The following ASIC2 variants were observed in gnomAD, a reference collection of about 807,000 sequenced individuals.
ASIC2 encodes acid-sensing ion channel 2.
ASIC2 carries 25 observed loss-of-function variants against 57.3 expected under a neutral mutation model. The observed-to-expected ratio is 0.44, with a 90% CI of 0.32 to 0.61. ASIC2 has a LOEUF of 0.61. Ranked by LOEUF, ASIC2 falls within the 20% of genes least tolerant of loss-of-function variation. The pLI, the probability that ASIC2 is intolerant of heterozygous loss-of-function variation, is 0.06. For missense variants in ASIC2, 641 were observed against 738.1 expected, an observed-to-expected ratio of 0.87 and a Z score of 1.52; for synonymous variants, 319 against 307.5, an observed-to-expected ratio of 1.04 and a Z score of -0.39.
At position 33,192,420 on chromosome 17, in the gene ASIC2, A is replaced by G. The variant is rs1039887393; in HGVS notation, c.709-80353T>C. ...AAAACAAAACAAAACAAAACAAAAC[A>G]AAACAAAACAAAACAAAACAAAACA... On this transcript the variant is annotated intron_variant, in intron 1 of 9. Transcript: ENST00000225823. Among the ~76,000 whole-genome samples, 15 of 151,334 alleles carry G rather than the reference A, an allele frequency of 9.9e-5. No individual in the cohort carries two copies. The East Asian group carries it at 2.1e-3, about 22-fold the overall frequency.
intron 1 of ASIC2, among the ~76,000 whole-genome samples, chr17:33,409,161 G>A (rs1287668529): frequency 1.3e-5 from 2 of 152,178 alleles, no homozygotes; most frequent in Non-Finnish European, 2.9e-5. Context: ...GTTGTAGTGA[G>A]CCGAAATCAT....
At chr17:33,884,963 C>T (rs1914794853) in intron 1 of ASIC2, among the ~76,000 whole-genome samples, 1 of 152,212 alleles carries the variant, frequency 6.6e-6, no homozygotes, top group Non-Finnish European at 1.5e-5. Flanking sequence ...GCAGTGAGAA[C>T]ATCCTCAAAG....
chr17:33,913,985 G>T (rs946785143), intron 1 of ASIC2, among the ~76,000 whole-genome samples: 1 of 152,178 alleles, frequency 6.6e-6, no homozygotes, highest in Non-Finnish European at 1.5e-5. Flanking sequence ...CCAGAAAATA[G>T]AGCTCAGAGC....
chr17:33,145,950 A>G (rs1223367508), intron 1 of ASIC2, among the ~76,000 whole-genome samples: 1 of 152,230 alleles, frequency 6.6e-6, no homozygotes, highest in Non-Finnish European at 1.5e-5. Flanking sequence ...GCCGACCCAG[A>G]GACATGGCCA....
intron 1 of ASIC2, among the ~76,000 whole-genome samples, chr17:34,011,951 A>G (rs907706632): frequency 3.3e-5 from 5 of 152,190 alleles, no homozygotes; most frequent in South Asian, 2.1e-4. Flanking sequence ...GGTCAATAGC[A>G]GTCAGTTGGG....
At chr17:33,857,600 G>A (rs550963561) in intron 1 of ASIC2, among the ~76,000 whole-genome samples, 5 of 152,274 alleles carry the variant, frequency 3.3e-5, no homozygotes, top group East Asian at 1.9e-4. Flanking sequence ...CATTAAATCC[G>A]AACTCTTATT....
chr17:34,129,287 G>C (rs971277873), intron 1 of ASIC2, among the ~76,000 whole-genome samples: 2 of 152,154 alleles, frequency 1.3e-5, no homozygotes, highest in Non-Finnish European at 2.9e-5. Flanking sequence ...TTATATGGTG[G>C]AACCAGCATC....
At chr17:33,595,330 A>G (rs1904948703) in intron 1 of ASIC2, among the ~76,000 whole-genome samples, 1 of 152,234 alleles carries the variant, frequency 6.6e-6, no homozygotes. Flanking sequence ...GAGGGTTATT[A>G]GGTCTGGAGT....
chr17:33,384,264 C>T (rs963121875), intron 1 of ASIC2, among the ~76,000 whole-genome samples: 1 of 152,164 alleles, frequency 6.6e-6, no homozygotes, highest in Non-Finnish European at 1.5e-5. Context: ...GATTTTGTCA[C>T]ATTGAAGGGT....
chr17:33,735,856 C>G (rs1009109703), intron 1 of ASIC2, among the ~76,000 whole-genome samples: 1 of 152,148 alleles, frequency 6.6e-6, no homozygotes. Flanking sequence ...CCTTATTTTT[C>G]TTCCACTGGA....
chr17:33,687,756 G>C (rs1441898874), intron 1 of ASIC2, among the ~76,000 whole-genome samples: 6 of 152,196 alleles, frequency 3.9e-5, no homozygotes, highest in African/African-American at 7.2e-5. Context: ...GTCCTGTGCT[G>C]AGGGATGGTC....
At chr17:33,147,727 T>C (rs572341228) in intron 1 of ASIC2, among the ~76,000 whole-genome samples, 1 of 152,194 alleles carries the variant, frequency 6.6e-6, no homozygotes, top group African/African-American at 2.4e-5. Flanking sequence ...CAGTGCCAAC[T>C]TAGACTCAGC....
chr17:33,765,398 G>A lies in ASIC2; in HGVS notation c.555+390580C>T, dbSNP rs367905451. ...GCTGGGATTACAGGCGTGAGCCACC[G>A]CGCCCGGCGATGGAGCATAATTGTA... On this transcript the variant is annotated intron_variant, in intron 1 of 9. Transcript: ENST00000359872. 2.7e-4 allele frequency among the ~76,000 whole-genome samples: 41 copies of A among 152,260 alleles called. No individual in the cohort carries two copies. The East Asian group carries it at 4.3e-3, about 16-fold the overall frequency.
At chr17:33,447,252 A>G (rs186538926) in intron 1 of ASIC2, among the ~76,000 whole-genome samples, 12 of 151,022 alleles carry the variant, frequency 7.9e-5, no homozygotes, top group Admixed American at 7.3e-4. Context: ...ATGGCCAGAA[A>G]GATTAAGGCT....
intron 1 of ASIC2, among the ~76,000 whole-genome samples, chr17:33,348,552 C>T (rs543237133): frequency 4.6e-5 from 7 of 151,972 alleles, no homozygotes; most frequent in African/African-American, 7.3e-5. Flanking sequence ...ATTTGCTGCC[C>T]GCAGATCATG....
intron 1 of ASIC2, among the ~76,000 whole-genome samples, chr17:33,492,737 C>T (rs2141935646): frequency 1.3e-5 from 2 of 152,320 alleles, no homozygotes; most frequent in Middle Eastern, 6.8e-3. Context: ...CACATCTCTA[C>T]CATCTGTGAT....
At chr17:33,781,946 G>A (rs1911467158) in intron 1 of ASIC2, among the ~76,000 whole-genome samples, 1 of 152,072 alleles carries the variant, frequency 6.6e-6, no homozygotes. Context: ...GCCACCGGTG[G>A]CTCTCTTATA....
intron 1 of ASIC2, among the ~76,000 whole-genome samples, chr17:33,880,747 C>A (rs892516191): frequency 3.3e-5 from 5 of 152,200 alleles, no homozygotes; most frequent in Admixed American, 6.5e-5. Context: ...GGAATCCTCC[C>A]TAACTCATTT....
At chr17:34,109,565 G>A (rs1466909730) in intron 1 of ASIC2, among the ~76,000 whole-genome samples, 1 of 152,044 alleles carries the variant, frequency 6.6e-6, no homozygotes, top group East Asian at 1.9e-4. Context: ...TTCATCAAGC[G>A]TAAATGAGAA....
Sources: allele counts gnomAD v4.1 joint callset (sites outside exome capture counted in the v4.1 genomes callset), GRCh38; gene constraint gnomAD v4.1.1; transcripts MANE v1.5; gene names NCBI Gene and HGNC (gene_info 2026-07-23, HGNC 2026-07-21).